The following GFRA2 variants were observed in gnomAD, a reference collection of about 807,000 sequenced individuals.
GFRA2 encodes GDNF family receptor alpha-2.
GFRA2 carries 17 observed loss-of-function variants against 48.3 expected under a neutral mutation model. The ratio of observed to expected loss-of-function variants is 0.35; its 90% CI spans 0.24 to 0.53. The LOEUF (loss-of-function observed/expected upper bound fraction) is 0.53. Ranked by LOEUF, GFRA2 falls within the 20% of genes least tolerant of loss-of-function variation. The pLI, the probability that GFRA2 is intolerant of heterozygous loss-of-function variation, is 0.93. For synonymous variants in GFRA2, 305 were observed against 257.2 expected, an observed-to-expected ratio of 1.19 and a Z score of -1.78; for missense variants, 660 against 637.3, an observed-to-expected ratio of 1.04 and a Z score of -0.38.
intron 4 of GFRA2, among the ~76,000 whole-genome samples, chr8:21,733,060 T>G (rs1804275316): frequency 6.6e-6 from 1 of 152,180 alleles, no homozygotes; most frequent in Non-Finnish European, 1.5e-5. Context: ...GATGAAAAGT[T>G]CATTCTGAGG....
chr8:21,730,403 CAA>C (rs11327972), intron 4 of GFRA2, among the ~76,000 whole-genome samples: 1 of 149,538 alleles, frequency 6.7e-6, no homozygotes, highest in Non-Finnish European at 1.5e-5. Flanking sequence ...AACTCTGTCT[CAA>C]AAAAAAAACA....
At chr8:21,796,279 G>A (rs1048807481) in intron 2 of GFRA2, among the ~76,000 whole-genome samples, 4 of 152,300 alleles carry the variant, frequency 2.6e-5, no homozygotes, top group East Asian at 3.9e-4. Flanking sequence ...GGGCACACAC[G>A]CCCACCTCAT....
In GFRA2 at chr8:21,705,143, T is replaced by G; in HGVS notation, c.905-18A>C. 6.2e-7 allele frequency: 1 copy of G among 1,602,168 alleles called. No homozygotes were observed. Among genetic ancestry groups the G allele is most frequent in the Non-Finnish European group, 8.5e-7 (1 of 1,175,036 alleles). On this transcript the variant is annotated intron_variant, in intron 5 of 8. Transcript: ENST00000524240. Reference sequence around the variant, plus strand: ...GTCAAACCCTGGGCAGGAAGAAAGGTGGGGGAGAGGAGAGAGGTACGGTGG... The same window carrying G: ...GTCAAACCCTGGGCAGGAAGAAAGGGGGGGGAGAGGAGAGAGGTACGGTGG...
At chr8:21,751,673 G>A (rs570461389) in intron 3 of GFRA2, among the ~76,000 whole-genome samples, 46 of 152,286 alleles carry the variant, frequency 3.0e-4, no homozygotes, top group African/African-American at 9.4e-4. Flanking sequence ...ACAAGGTCCC[G>A]CAAGGTGGTG....
intron 2 of GFRA2, among the ~76,000 whole-genome samples, chr8:21,802,314 A>G (rs1585353310): frequency 6.6e-6 from 1 of 152,124 alleles, no homozygotes; most frequent in African/African-American, 2.4e-5. Flanking sequence ...AGCACCTACT[A>G]TGTTCCAGGC....
chr8:21,697,513 T>G (rs1377703603), intron 7 of GFRA2, among the ~76,000 whole-genome samples: 1 of 151,962 alleles, frequency 6.6e-6, no homozygotes, highest in Admixed American at 6.5e-5. Context: ...TGACCTTTCC[T>G]GAAGGTGGCA....
At chr8:21,753,020 C>A (rs1805373775) in intron 3 of GFRA2, among the ~76,000 whole-genome samples, 2 of 152,156 alleles carry the variant, frequency 1.3e-5, no homozygotes, top group African/African-American at 4.8e-5. Flanking sequence ...CACCCCATGA[C>A]AATCTTCTCT....
intron 4 of GFRA2, among the ~76,000 whole-genome samples, chr8:21,711,684 TTTTC>T (rs1466436713): frequency 1.3e-5 from 2 of 150,470 alleles, no homozygotes; most frequent in African/African-American, 5.0e-5. Flanking sequence ...GCTAAACAGT[TTTTC>T]TTTTTTTTTT....
At chr8:21,700,207 T>C (rs1170591736) in intron 7 of GFRA2, among the ~76,000 whole-genome samples, 3 of 151,800 alleles carry the variant, frequency 2.0e-5, no homozygotes, top group African/African-American at 7.3e-5. Context: ...TAGAGCCCAG[T>C]GGGATGGAGA....
intron 1 of GFRA2, among the ~76,000 whole-genome samples, chr8:21,787,275 T>TGGGGGG (rs780776992): frequency 1.3e-5 from 1 of 75,700 alleles, no homozygotes; most frequent in African/African-American, 5.0e-5. Context: ...GGGGGGGCAG[T>TGGGGGG]GGGGGGGGTT....
Position 21,787,278 on chromosome 8 carries a change from G to T in GFRA2, c.40+842C>A, listed in dbSNP as rs1282269334. On this transcript the variant is annotated intron_variant, in intron 1 of 8. Coordinates refer to ENST00000524240, the MANE Select transcript of GFRA2 (RefSeq NM_001495.5). The stretch of plus-strand genomic sequence containing the variant: ...TTGGAGGCGGCGGGGGGGGCAGTGG[G>T]GGGGGTTTGCAGAAGGAGCAGTGGT... 4.3e-4 allele frequency among the ~76,000 whole-genome samples: 65 copies of T among 150,722 alleles called. 3 individuals carry two copies. The highest frequency in any genetic ancestry group is 1.5e-3 in the African/African-American group (60 of 41,172).
At chr8:21,717,417 G>A (rs751226451) in intron 4 of GFRA2, among the ~76,000 whole-genome samples, 7 of 152,072 alleles carry the variant, frequency 4.6e-5, no homozygotes, top group South Asian at 2.1e-4. Flanking sequence ...TATGCCCCCC[G>A]GTTACAAATG....
rs1801850670 is a variant in GFRA2, at chr8:21,690,657, T to A, written c.*2621A>T. On this transcript the variant is annotated 3_prime_UTR_variant, in exon 9 of 9. Transcript: ENST00000524240. The stretch of plus-strand genomic sequence containing the variant: ...CTAAGGGCTTACCTCCTATTAGGGA[T>A]ACCAGACATGACATATATATCCTCT... 6.6e-6 allele frequency: 1 copy of A among 152,198 alleles called. No individual in the cohort carries two copies. Among genetic ancestry groups the A allele is most frequent in the African/African-American group, 2.4e-5 (1 of 41,452 alleles). The allele number at this position is 152,198 out of a possible 1,614,324, so 9.4% of individuals were successfully genotyped here.
At chr8:21,760,888 G>C (rs1383281298) in intron 3 of GFRA2, among the ~76,000 whole-genome samples, 2 of 152,162 alleles carry the variant, frequency 1.3e-5, no homozygotes, top group Non-Finnish European at 2.9e-5. Context: ...CGGAAGGCAA[G>C]AGTTTCGAAA....
chr8:21,708,094 C>A (rs1802839154), intron 4 of GFRA2, among the ~76,000 whole-genome samples: 2 of 152,182 alleles, frequency 1.3e-5, no homozygotes, highest in African/African-American at 2.4e-5. Flanking sequence ...TTCTGGCAGG[C>A]CCCAGTGCTC....
intron 3 of GFRA2, among the ~76,000 whole-genome samples, chr8:21,755,790 G>A (rs1805539239): frequency 1.3e-5 from 2 of 152,250 alleles, no homozygotes; most frequent in Admixed American, 1.3e-4. Context: ...CAATACGACT[G>A]AACATGGAAA....
intron 4 of GFRA2, among the ~76,000 whole-genome samples, chr8:21,714,959 C>T (rs892001189): frequency 2.0e-5 from 3 of 152,194 alleles, no homozygotes; most frequent in African/African-American, 7.2e-5. Context: ...GCCTTAATAG[C>T]CCCAAGTGCC....
chr8:21,768,648 G>A (rs371713927), intron 3 of GFRA2, among the ~76,000 whole-genome samples: 2 of 152,080 alleles, frequency 1.3e-5, no homozygotes, highest in Non-Finnish European at 2.9e-5. Context: ...GAGCAAAGCC[G>A]GGCCCAATCC....
intron 4 of GFRA2, among the ~76,000 whole-genome samples, chr8:21,749,915 C>T (rs777686931): frequency 2.0e-5 from 3 of 152,002 alleles, no homozygotes; most frequent in Non-Finnish European, 4.4e-5. Context: ...GATGACATAA[C>T]GTAGGTCCAA....
Sources: allele counts gnomAD v4.1 joint callset (sites outside exome capture counted in the v4.1 genomes callset), GRCh38; gene constraint gnomAD v4.1.1; transcripts MANE v1.5; gene names NCBI Gene and HGNC (gene_info 2026-07-23, HGNC 2026-07-21).